CTBP2: variants seen among roughly 807,000 people sequenced by gnomAD.
CTBP2 encodes C-terminal-binding protein 2.
Under a neutral mutation model 80.3 loss-of-function variants are expected in CTBP2, and 30 were observed. The ratio of observed to expected loss-of-function variants is 0.37; its 90% confidence interval spans 0.28 to 0.51. The LOEUF is 0.51. Among genes scored for constraint, CTBP2 ranks in the 20% least tolerant of loss-of-function variants. The pLI is 0.93. For missense variants in CTBP2, 1,212 were observed against 1,375.3 expected (o/e 0.88, Z 1.88); for synonymous variants, 594 against 587.4 (o/e 1.01, Z -0.16).
At chr10:125,142,211 G>A (rs1329006897) in intron 1 of CTBP2, among the ~76,000 whole-genome samples, 1 of 152,154 alleles carries the variant, frequency 6.6e-6, no homozygotes, top group Non-Finnish European at 1.5e-5. Flanking sequence ...CTGGCTTTTG[G>A]TCCGACCTGT....
At chr10:125,113,532 C>G (rs375928434) in intron 1 of CTBP2, among the ~76,000 whole-genome samples, 1 of 152,174 alleles carries the variant, frequency 6.6e-6, no homozygotes, top group Non-Finnish European at 1.5e-5. Context: ...CTTCCATTTC[C>G]AATGGTTTAC....
At chr10:125,081,693 T>C (rs1041151884) in intron 2 of CTBP2, among the ~76,000 whole-genome samples, 1 of 151,984 alleles carries the variant, frequency 6.6e-6, no homozygotes, top group Non-Finnish European at 1.5e-5. Context: ...TAGACATGAA[T>C]GGCCACAGTG....
At chr10:125,048,294 A>G (rs991583510) in intron 2 of CTBP2, among the ~76,000 whole-genome samples, 16 of 152,122 alleles carry the variant, frequency 1.1e-4, no homozygotes, top group African/African-American at 3.6e-4. Context: ...GAGGCTGCAG[A>G]GACAGCCATG....
chr10:125,065,108 C>T (rs1844422179), intron 2 of CTBP2, among the ~76,000 whole-genome samples: 1 of 152,196 alleles, frequency 6.6e-6, no homozygotes, highest in Non-Finnish European at 1.5e-5. Flanking sequence ...CGTACTGTCC[C>T]CATTCCATGG....
chr10:125,007,960 T>C (rs926055927), intron 1 of CTBP2, among the ~76,000 whole-genome samples: 4 of 152,088 alleles, frequency 2.6e-5, no homozygotes, highest in African/African-American at 9.7e-5. Flanking sequence ...CTTTTTTTTT[T>C]TTGGAGACAG....
chr10:125,069,894 C>G (rs926597826), intron 2 of CTBP2, among the ~76,000 whole-genome samples: 2 of 130,944 alleles, frequency 1.5e-5, no homozygotes, highest in African/African-American at 5.3e-5. Flanking sequence ...CCCTCCCCCC[C>G]CCACACAAAC....
At chr10:125,092,363 G>A (rs1440700878) in intron 2 of CTBP2, among the ~76,000 whole-genome samples, 1 of 151,696 alleles carries the variant, frequency 6.6e-6, no homozygotes, top group Non-Finnish European at 1.5e-5. Context: ...GCTCATTTTT[G>A]TATTTTTAGT....
chr10:125,162,050 G>A (rs753603328), upstream of CTBP2, among the ~76,000 whole-genome samples: 1 of 152,234 alleles, frequency 6.6e-6, no homozygotes, highest in Non-Finnish European at 1.5e-5. Flanking sequence ...TTCTCCCTGC[G>A]CCCCAGGGCC....
intron 2 of CTBP2, among the ~76,000 whole-genome samples, chr10:125,091,320 G>A (rs1032948987): frequency 1.3e-5 from 2 of 152,160 alleles, no homozygotes; most frequent in East Asian, 3.8e-4. Flanking sequence ...GCACTTGTAC[G>A]TCCTGGTAAA....
rs188147551 is a variant in CTBP2, at chr10:125,110,543, G to A, written c.-102+447C>T. On this transcript the variant is annotated intron_variant, in intron 2 of 10. Coordinates refer to the CTBP2 transcript ENST00000337195. Reference sequence around the variant, plus strand: ...ACTAAAAGCCTAAGCTGACTGAAGAGGTGCCAGTATCCACAAGCCGCCTTC... The same window carrying A: ...ACTAAAAGCCTAAGCTGACTGAAGAAGTGCCAGTATCCACAAGCCGCCTTC... 4.6e-5 allele frequency among the ~76,000 whole-genome samples: 7 copies of A among 152,304 alleles called. 1 individual carries two copies. The highest frequency in any genetic ancestry group is 1.7e-4 in the African/African-American group (7 of 41,568).
chr10:124,997,611 C>G (rs539754732), intron 4 of CTBP2: 5 of 305,222 alleles, frequency 1.6e-5, no homozygotes, highest in African/African-American at 1.1e-4. Flanking sequence ...CCAAGCCTGG[C>G]TGCTGCTTTA....
chr10:125,090,734 A>T (rs1376503981), intron 2 of CTBP2, among the ~76,000 whole-genome samples: 1 of 151,946 alleles, frequency 6.6e-6, no homozygotes, highest in Non-Finnish European at 1.5e-5. Context: ...ACCCTGGACG[A>T]CAGAGCAAGA....
At chr10:125,005,472 T>A in intron 1 of CTBP2, 1 of 1,445,094 alleles carries the variant, frequency 6.9e-7, no homozygotes, top group Non-Finnish European at 9.4e-7. Context: ...TCCAACATCC[T>A]TCTGCACCAG....
chr10:125,139,374 CAAA>C (rs33963277), intron 1 of CTBP2, among the ~76,000 whole-genome samples: 6,972 of 96,216 alleles, frequency 0.072, 248 homozygotes, highest in African/African-American at 0.15. Context: ...TAGACTGTCT[CAAA>C]AAAAAAAAAA....
Position 125,159,958 on chromosome 10 carries a change from CT to C in CTBP2, c.-206+360del, listed in dbSNP as rs537040538. On this transcript the variant is annotated intron_variant, in intron 1 of 10. Transcript: ENST00000337195. The stretch of plus-strand genomic sequence containing the variant: ...CCGGACGCCGCCGCGCTCGGGGTTT[CT>C]TTTTTTTTTTTTTTCAACCCTGATG... 392 of 136,904 alleles carry C rather than the reference CT, an allele frequency of 2.9e-3. 1 individual carries two copies. The South Asian group carries it at 0.034, about 12-fold the overall frequency. 8.5% of individuals were successfully genotyped at this position (136,904 alleles called of 1,614,324 possible).
chr10:125,146,954 A>G (rs537324095), intron 1 of CTBP2, among the ~76,000 whole-genome samples: 120 of 152,262 alleles, frequency 7.9e-4, no homozygotes, highest in African/African-American at 2.9e-3. Flanking sequence ...AACATGCTCA[A>G]ACATCACAGC....
chr10:125,148,772 G>A (rs1009728745), intron 1 of CTBP2, among the ~76,000 whole-genome samples: 1 of 152,224 alleles, frequency 6.6e-6, no homozygotes. Context: ...TTCCTTAAAT[G>A]CTGAGGAAGA....
intron 2 of CTBP2, among the ~76,000 whole-genome samples, chr10:125,044,072 C>T (rs907943848): frequency 3.3e-5 from 5 of 152,166 alleles, no homozygotes; most frequent in Admixed American, 1.3e-4. Context: ...GAGGTTGAGG[C>T]GATCCAATGC....
At position 124,988,560 on chromosome 10, in the gene CTBP2, C is replaced by A. The variant is rs550728202; in HGVS notation, c.*958G>T. On this transcript the variant is annotated 3_prime_UTR_variant, in exon 9 of 9. Coordinates refer to ENST00000309035, the MANE Select transcript of CTBP2 (RefSeq NM_022802.3). ...CTTTTTAAACAAAAAGGCAATGATT[C>A]ACAAAAGACTATGAATAGAACATGT... 5.9e-4 allele frequency: 90 copies of A among 152,698 alleles called. No homozygotes were observed. The highest frequency in any genetic ancestry group is 2.6e-4 in the Non-Finnish European group (18 of 68,018). The allele number at this position is 152,698 out of a possible 1,614,324, so 9.5% of individuals were successfully genotyped here. A position where few individuals can be genotyped will look rare whatever the true frequency, so the allele number is the denominator to read the frequency against.
Sources: allele counts gnomAD v4.1 joint callset (sites outside exome capture counted in the v4.1 genomes callset), GRCh38; gene constraint gnomAD v4.1.1; transcripts MANE v1.5; gene names NCBI Gene and HGNC (gene_info 2026-07-23, HGNC 2026-07-21).